The following DNAJA4 variants were observed in gnomAD, a reference collection of about 807,000 sequenced individuals.
DNAJA4 encodes DnaJ heat shock protein family (Hsp40) member A4, also known as dnaJ homolog subfamily A member 4.
Under a neutral mutation model 39.7 loss-of-function variants are expected in DNAJA4, and 32 were observed. That is an observed-to-expected ratio of 0.81 (90% CI 0.61 to 1.08). The LOEUF is 1.08. DNAJA4 is among the 50% of genes least tolerant of loss of function. The probability of loss-of-function intolerance (pLI) is 0.00; values close to 1 mark genes in which losing one functional copy is unlikely to be tolerated. For synonymous variants in DNAJA4, 184 were observed against 182.4 expected (o/e 1.01, Z -0.07); for missense variants, 439 against 505.1 (o/e 0.87, Z 1.25).
chr15:78,275,945 C>T (rs2049445365), intron 5 of DNAJA4, among the ~76,000 whole-genome samples: 1 of 152,190 alleles, frequency 6.6e-6, no homozygotes, highest in Admixed American at 6.5e-5. Context: ...AATAGTTCCC[C>T]TGATTTCACA....
At chr15:78,273,308 G>T (rs1328042689) in intron 3 of DNAJA4, 109 bp downstream of exon 3, 8 of 724,178 alleles carry the variant, frequency 1.1e-5, no homozygotes, top group African/African-American at 1.8e-5. Flanking sequence ...AAATGCAAGG[G>T]TCAAGCAGAG....
At chr15:78,264,313 C>T, upstream of DNAJA4, 3 of 1,397,706 alleles carry the variant, frequency 2.1e-6, no homozygotes, top group Non-Finnish European at 2.8e-6. Flanking sequence ...CGGCCCCCGC[C>T]ATGGCCCGGG....
chr15:78,267,467 T>TC (rs1222339884), intron 1 of DNAJA4, among the ~76,000 whole-genome samples: 1 of 150,824 alleles, frequency 6.6e-6, no homozygotes, highest in African/African-American at 2.4e-5. Flanking sequence ...CTGCGGGTGT[T>TC]TTTTTTTTGT....
rs977087053 is a variant in DNAJA4 at position 78,268,222 on chromosome 15, C to T, written c.133-2275C>T. Among the ~76,000 whole-genome samples, 5 of 152,312 alleles carry T rather than the reference C, an allele frequency of 3.3e-5. No individual in the cohort carries two copies. In the East Asian group the frequency reaches 5.8e-4, roughly 18 times the overall value. Reference sequence around the variant, plus strand: ...TACCTAGTCCTGACCTGCAGATAGACGCAGAAACTGTCTAGGGGCAGCCTG... The same window carrying T: ...TACCTAGTCCTGACCTGCAGATAGATGCAGAAACTGTCTAGGGGCAGCCTG... On this transcript the variant is annotated intron_variant, in intron 1 of 6. Coordinates refer to ENST00000394852, the MANE Select transcript of DNAJA4 (RefSeq NM_001130182.2).
rs1326827495 is a variant in DNAJA4, at chr15:78,264,676, G to A, written c.-88G>A. On this transcript the variant is annotated 5_prime_UTR_variant, in exon 1 of 7. Transcript: ENST00000394852. ...CCGTGACGCGCGAGCGGGCGGCGGG[G>A]GCGCGGGCCAGGGGCGCGGGCCAGG... 2 of 1,027,528 alleles carry A rather than the reference G, an allele frequency of 1.9e-6. No individual in the cohort carries two copies. Among genetic ancestry groups the A allele is most frequent in the Non-Finnish European group, 2.3e-6 (2 of 855,404 alleles). 63.7% of individuals were successfully genotyped at this position (1,027,528 alleles called of 1,614,324 possible).
At chr15:78,266,404 C>G in intron 1 of DNAJA4, 1 of 850,100 alleles carries the variant, frequency 1.2e-6, no homozygotes, top group Non-Finnish European at 1.8e-6. Context: ...AGGTTTCACC[C>G]TGTCTATACC....
In DNAJA4 at chr15:78,264,733, C is replaced by T. The variant is rs1393833357; in HGVS notation, c.-31C>T. The T allele has an allele frequency of 1.2e-5, 16 of 1,369,788 alleles. No individual in the cohort carries two copies. Among genetic ancestry groups the T allele is most frequent in the Non-Finnish European group, 1.3e-5 (14 of 1,059,246 alleles). 84.9% of individuals were successfully genotyped at this position (1,369,788 alleles called of 1,614,324 possible). A position where few individuals can be genotyped will look rare whatever the true frequency, so the allele number is the denominator to read the frequency against. On this transcript the variant is annotated 5_prime_UTR_variant, in exon 1 of 7. Coordinates refer to ENST00000394852, the MANE Select transcript of DNAJA4 (RefSeq NM_001130182.2). ...GCAGGGGCGTCCGGGGCGCTCTGACCGGCCTCGCCCGCCCCCCCCGCAGAC... is the reference window on the plus strand; with the variant it reads ...GCAGGGGCGTCCGGGGCGCTCTGACTGGCCTCGCCCGCCCCCCCCGCAGAC...
intron 1 of DNAJA4, among the ~76,000 whole-genome samples, chr15:78,268,866 G>T (rs146036721): frequency 6.6e-6 from 1 of 152,220 alleles, no homozygotes; most frequent in Non-Finnish European, 1.5e-5. Flanking sequence ...CTTGTTAGAA[G>T]GTGGTTCATG....
upstream of DNAJA4, chr15:78,264,535 A>G: frequency 8.6e-7 from 1 of 1,169,538 alleles, no homozygotes; most frequent in Non-Finnish European, 1.1e-6. Context: ...GCCGAATAAA[A>G]CCCGCCGCGG....
At chr15:78,277,445 A>G (rs2141463011) in intron 5 of DNAJA4, among the ~76,000 whole-genome samples, 1 of 152,310 alleles carries the variant, frequency 6.6e-6, no homozygotes, top group East Asian at 1.9e-4. Context: ...TTGCATGAAA[A>G]TTTAAAATAA....
At chr15:78,275,795 C>A (rs1250932033) in intron 5 of DNAJA4, 67 bp downstream of exon 5, 7 of 1,172,900 alleles carry the variant, frequency 6.0e-6, no homozygotes, top group Non-Finnish European at 7.2e-6. Context: ...GGCAAGTTAG[C>A]CTGATTTTTT....
At position 78,280,438 on chromosome 15, in the gene DNAJA4, G is replaced by C; in HGVS notation, c.1172G>C (p.Gly391Ala). ...GAGGACGAAGACGGGCCCCAGGCTGGAGTGCAGTGCCAGACGGCATGACGT... is the reference window on the plus strand; with the variant it reads ...GAGGACGAAGACGGGCCCCAGGCTGCAGTGCAGTGCCAGACGGCATGACGT... ...YEEDEDGPQA[G>A]VQCQTA The change falls in exon 7 of 7, where the codon GGA becomes GCA. Residue 391 changes from glycine (G) to alanine (A), a missense_variant. By Grantham distance (60) the Gly-to-Ala change is moderately conservative. Coordinates refer to ENST00000394852, the MANE Select transcript of DNAJA4 (RefSeq NM_001130182.2). 1 of 1,612,406 alleles carries C rather than the reference G, an allele frequency of 6.2e-7. No homozygotes were observed. The highest frequency in any genetic ancestry group is 8.5e-7 in the Non-Finnish European group (1 of 1,179,544).
intron 1 of DNAJA4, 111 bp from the exon 2 acceptor site, chr15:78,270,386 C>G: frequency 8.6e-7 from 1 of 1,164,130 alleles, no homozygotes; most frequent in Non-Finnish European, 1.2e-6. Context: ...CTGGCTAGTT[C>G]AAGGGTTTGG....
intron 1 of DNAJA4, among the ~76,000 whole-genome samples, chr15:78,269,410 T>C (rs1209992789): frequency 2.0e-5 from 3 of 152,252 alleles, no homozygotes; most frequent in Non-Finnish European, 4.4e-5. Context: ...AATGTCCATA[T>C]ACCTGCAGAA....
At chr15:78,272,877 C>T (rs974581048) in intron 2 of DNAJA4, among the ~76,000 whole-genome samples, 2 of 152,292 alleles carry the variant, frequency 1.3e-5, no homozygotes, top group South Asian at 4.1e-4. Flanking sequence ...GAATAATTAG[C>T]TCATAGCTAG....
chr15:78,267,171 TG>T lies in DNAJA4; in HGVS notation c.132+2277del, dbSNP rs1160043472. On this transcript the variant is annotated intron_variant, in intron 1 of 6. Transcript: ENST00000394852. ...GTGTGTGAGTGTGTATGTGAGTGTG[TG>T]AGTGTGTGAGTGTGTGTGTGAGTGT... Among the ~76,000 whole-genome samples, 1,379 of 139,614 alleles carry T rather than the reference TG, an allele frequency of 9.9e-3. 24 individuals carry two copies. The highest frequency in any genetic ancestry group is 0.031 in the African/African-American group (1,054 of 33,472). 91.6% of individuals were successfully genotyped at this position (139,614 alleles called of 152,430 possible).
chr15:78,265,552 G>C (rs1408000137), intron 1 of DNAJA4: 1 of 702,350 alleles, frequency 1.4e-6, no homozygotes, highest in African/African-American at 1.7e-5. Context: ...GTGACACACA[G>C]TTGATCATAA....
At position 78,280,365 on chromosome 15, in the gene DNAJA4, T is replaced by G. The variant is rs771609282; in HGVS notation, c.1099T>G (p.Phe367Val). 7.4e-6 allele frequency: 12 copies of G among 1,613,874 alleles called. No homozygotes were observed. In the South Asian group the frequency reaches 1.2e-4, roughly 16 times the overall value. ...DDMDQVELKE[F>V]CPNEQNWRQH... Reference sequence around the variant, plus strand: ...CATGGATCAGGTGGAGCTGAAGGAGTTTTGTCCCAATGAGCAGAACTGGCG... The same window carrying G: ...CATGGATCAGGTGGAGCTGAAGGAGGTTTGTCCCAATGAGCAGAACTGGCG... The change falls in exon 7 of 7, where the codon TTT (phenylalanine) becomes GTT (valine). Residue 367 changes from phenylalanine to valine, a missense_variant. By Grantham distance (50) the Phe-to-Val change is conservative. Coordinates refer to ENST00000394852, the MANE Select transcript of DNAJA4 (RefSeq NM_001130182.2).
At chr15:78,277,727 C>T (rs2049511113) in intron 5 of DNAJA4, 2 of 315,930 alleles carry the variant, frequency 6.3e-6, no homozygotes, top group South Asian at 2.8e-5. Context: ...CAAGAGCCAG[C>T]GTTCCTTGCT....
Sources: allele counts gnomAD v4.1 joint callset (sites outside exome capture counted in the v4.1 genomes callset), GRCh38; gene constraint gnomAD v4.1.1; transcripts MANE v1.5; gene names NCBI Gene and HGNC (gene_info 2026-07-23, HGNC 2026-07-21).